CSMD1: variants seen among roughly 807,000 people sequenced by gnomAD.
CSMD1 encodes the protein CUB and Sushi multiple domains 1.
CSMD1 carries 213 observed loss-of-function variants against 417.5 expected under a neutral mutation model. That is an observed-to-expected ratio of 0.51 (90% CI 0.46 to 0.57). CSMD1 has a LOEUF of 0.57. CSMD1 is among the 20% of genes least tolerant of loss of function. The pLI, the probability that CSMD1 is intolerant of heterozygous loss-of-function variation, is 0.00. For missense variants in CSMD1, 6,923 were observed against 4,529.7 expected (o/e 1.53, Z -15.17); for synonymous variants, 2,862 against 1,736.8 (o/e 1.65, Z -16.11).
chr8:4,114,591 G>A (rs1159978736), intron 3 of CSMD1, among the ~76,000 whole-genome samples: 1 of 152,050 alleles, frequency 6.6e-6, no homozygotes, highest in African/African-American at 2.4e-5. Flanking sequence ...TTCATAGGTA[G>A]GGATTCTTCG....
intron 49 of CSMD1, among the ~76,000 whole-genome samples, chr8:3,084,896 T>A (rs76759584): frequency 0.016 from 2,429 of 150,728 alleles, 36 homozygotes; most frequent in Non-Finnish European, 0.026. Flanking sequence ...TTTTGCTACA[T>A]TTTGTTTTGT....
chr8:4,024,388 G>T (rs1051869296), intron 4 of CSMD1, among the ~76,000 whole-genome samples: 4 of 152,158 alleles, frequency 2.6e-5, no homozygotes, highest in African/African-American at 9.7e-5. Context: ...TACGCTGATG[G>T]AAGTTTTACT....
chr8:3,473,248 C>T (rs1024457837), intron 11 of CSMD1, among the ~76,000 whole-genome samples: 5 of 152,150 alleles, frequency 3.3e-5, no homozygotes, highest in Admixed American at 1.3e-4. Flanking sequence ...AGCAAGCACA[C>T]TGCCATATTC....
intron 1 of CSMD1, among the ~76,000 whole-genome samples, chr8:4,660,006 C>T (rs897293405): frequency 4.0e-5 from 6 of 150,104 alleles, no homozygotes; most frequent in African/African-American, 1.5e-4. Flanking sequence ...CAACTTGTAA[C>T]TATAATTATA....
At chr8:4,303,906 C>T (rs993786696) in intron 3 of CSMD1, among the ~76,000 whole-genome samples, 2 of 152,104 alleles carry the variant, frequency 1.3e-5, no homozygotes, top group African/African-American at 4.8e-5. Flanking sequence ...CTGCCTGCCT[C>T]AGCCTCTCAG....
intron 1 of CSMD1, among the ~76,000 whole-genome samples, chr8:4,777,229 G>T (rs1055573962): frequency 2.6e-5 from 4 of 152,164 alleles, no homozygotes; most frequent in African/African-American, 9.7e-5. Flanking sequence ...ATGCTGAGAA[G>T]CAGAGCATCC....
At chr8:3,606,437 T>C (rs370680610) in intron 8 of CSMD1, among the ~76,000 whole-genome samples, 7 of 152,042 alleles carry the variant, frequency 4.6e-5, no homozygotes, top group Middle Eastern at 3.2e-3. Context: ...TATCTAAGTA[T>C]ACCTAAACAT....
At chr8:4,676,655 G>GA (rs1805699955) in intron 1 of CSMD1, among the ~76,000 whole-genome samples, 1 of 151,894 alleles carries the variant, frequency 6.6e-6, no homozygotes, top group Non-Finnish European at 1.5e-5. Flanking sequence ...AGTTACAAAG[G>GA]AAAAAAGAAC....
chr8:4,059,713 G>A (rs1026223346), intron 3 of CSMD1, among the ~76,000 whole-genome samples: 30 of 152,134 alleles, frequency 2.0e-4, no homozygotes, highest in African/African-American at 7.2e-4. Flanking sequence ...TAATTTCCTC[G>A]ACACCTACAC....
intron 1 of CSMD1, among the ~76,000 whole-genome samples, chr8:4,641,764 G>GA (rs1322099453): frequency 2.0e-5 from 3 of 152,140 alleles, no homozygotes. Flanking sequence ...AAATAAAATG[G>GA]TGAGTAAATA....
chr8:4,358,178 T>G (rs554964298), intron 3 of CSMD1, among the ~76,000 whole-genome samples: 1 of 152,340 alleles, frequency 6.6e-6, no homozygotes, highest in African/African-American at 2.4e-5. Flanking sequence ...GACGTTCACT[T>G]TATTCAGGGA....
intron 3 of CSMD1, among the ~76,000 whole-genome samples, chr8:4,158,066 C>T (rs902013424): frequency 1.3e-5 from 2 of 150,462 alleles, no homozygotes; most frequent in African/African-American, 4.9e-5. Flanking sequence ...ACCCCTGCTT[C>T]CCCATTACAA....
At chr8:4,617,995 G>C (rs1020783276) in intron 2 of CSMD1, among the ~76,000 whole-genome samples, 1 of 152,070 alleles carries the variant, frequency 6.6e-6, no homozygotes, top group Non-Finnish European at 1.5e-5. Context: ...TGCCTATTTG[G>C]ATAAGATTTC....
chr8:3,914,533 A>G (rs934764336), intron 5 of CSMD1, among the ~76,000 whole-genome samples: 5 of 152,308 alleles, frequency 3.3e-5, no homozygotes, highest in Admixed American at 2.0e-4. Flanking sequence ...GCTCCTAACT[A>G]AAGTATCAAT....
chr8:3,979,756 G>A (rs185697039), intron 5 of CSMD1, among the ~76,000 whole-genome samples: 6 of 152,322 alleles, frequency 3.9e-5, no homozygotes, highest in African/African-American at 1.4e-4. Context: ...TCAGAACTGT[G>A]AGAAATAAGT....
chr8:4,601,810 G>A (rs764563677), intron 2 of CSMD1, among the ~76,000 whole-genome samples: 6 of 152,158 alleles, frequency 3.9e-5, no homozygotes, highest in Non-Finnish European at 8.8e-5. Context: ...ATTTATCCAT[G>A]TCTGAGCATG....
At position 3,455,919 on chromosome 8, in the gene CSMD1, C is replaced by T. The variant is rs575671583; in HGVS notation, c.1561+12793G>A. 6.6e-5 allele frequency among the ~76,000 whole-genome samples: 10 copies of T among 152,334 alleles called. No homozygotes were observed. The South Asian group carries it at 1.7e-3, about 25-fold the overall frequency. On this transcript the variant is annotated intron_variant, in intron 12 of 69. Transcript: ENST00000635120. ...GCCCTGCCCCCAGAGGTGGAGTCTA[C>T]AGAGGCAGGCAGGCCTCCTTGAGCT... is the stretch of plus-strand genomic sequence containing the variant.
At chr8:4,600,753 G>A (rs1800537912) in intron 2 of CSMD1, among the ~76,000 whole-genome samples, 1 of 152,070 alleles carries the variant, frequency 6.6e-6, no homozygotes, top group Non-Finnish European at 1.5e-5. Flanking sequence ...CTCTTTATGG[G>A]AACTAAGGCG....
chr8:3,889,492 TAA>T (rs56720024), intron 5 of CSMD1, among the ~76,000 whole-genome samples: 12,855 of 62,730 alleles, frequency 0.2, 2,320 homozygotes, highest in Admixed American at 0.31. Context: ...TATATATATA[TAA>T]AATATGCTCA....
Sources: gnomAD v4.1 joint callset for allele counts (sites outside exome capture counted in the v4.1 genomes callset) on GRCh38, gnomAD v4.1.1 for gene constraint, MANE v1.5 for transcripts, NCBI Gene and HGNC (gene_info 2026-07-23, HGNC 2026-07-21) for gene names.